The following XRN2 variants were observed in gnomAD, a reference collection of about 807,000 sequenced individuals.
XRN2 encodes 5'-3' exoribonuclease 2.
Under a neutral mutation model 138.5 loss-of-function variants are expected in XRN2, and 44 were observed. The ratio of observed to expected loss-of-function variants is 0.32; its 90% CI spans 0.25 to 0.41. XRN2 has a LOEUF of 0.41. Ranked by LOEUF, XRN2 falls within the 10% of genes least tolerant of loss-of-function variation. The pLI is 1.00. For missense variants in XRN2, 937 were observed against 1,169.3 expected, an observed-to-expected ratio of 0.80 and a Z score of 2.90; for synonymous variants, 354 against 369.4, an observed-to-expected ratio of 0.96 and a Z score of 0.48.
chr20:21,365,242 G>C (rs2038680469), intron 24 of XRN2, among the ~76,000 whole-genome samples, 179 bp from the exon 25 acceptor site: 2 of 152,124 alleles, frequency 1.3e-5, no homozygotes, highest in Non-Finnish European at 2.9e-5. Flanking sequence ...GTTACATGAA[G>C]GTTATATGTA....
chr20:21,333,550 G>C lies in XRN2; in HGVS notation c.865G>C (p.Glu289Gln). The C allele has an allele frequency of 6.2e-7, 1 of 1,612,662 alleles. No individual in the cohort carries two copies. Among genetic ancestry groups the C allele is most frequent in the Non-Finnish European group, 8.5e-7 (1 of 1,178,708 alleles). ...TTCATTCCTGTTCTTGCAGCATGAT[G>C]AACTTGCCGATAGTCTTCCTTGTGC... ...LPREKKGKHD[E>Q]LADSLPCAEG... is the part of the protein sequence containing the mutation. Residue 289 changes from glutamate (E) to glutamine (Q), a missense_variant, in exon 10 of 30, where the codon GAA becomes CAA. This residue lies in a region of XRN2 where 471 missense variants were observed against 581.2 expected (regional missense o/e 0.81). Coordinates refer to ENST00000377191, the MANE Select transcript of XRN2 (RefSeq NM_012255.5).
intron 28 of XRN2, among the ~76,000 whole-genome samples, chr20:21,386,177 G>A (rs2038934618): frequency 2.0e-5 from 3 of 152,182 alleles, no homozygotes; most frequent in Admixed American, 6.5e-5. Flanking sequence ...AGTAATCTGC[G>A]ACAGCAAACT....
intron 27 of XRN2, 152 bp from the exon 28 acceptor site, chr20:21,381,842 T>A: frequency 1.8e-6 from 1 of 549,564 alleles, no homozygotes; most frequent in Admixed American, 3.9e-5. Context: ...CTTACCTTTT[T>A]ACATTTGTGG....
chr20:21,361,502 C>T (rs1437899747), intron 24 of XRN2, among the ~76,000 whole-genome samples: 1 of 152,174 alleles, frequency 6.6e-6, no homozygotes, highest in Non-Finnish European at 1.5e-5. Context: ...AAACACAAGT[C>T]TCTTACCTCA....
Position 21,332,579 on chromosome 20 carries a change from A to C in XRN2, c.858+139A>C, listed in dbSNP as rs535407330. 660 of 855,596 alleles carry C rather than the reference A, an allele frequency of 7.7e-4. 4 individuals are homozygous for C. In the Middle Eastern group the frequency reaches 0.016, roughly 20 times the overall value. 53.0% of individuals were successfully genotyped at this position (855,596 alleles called of 1,614,324 possible). A position where few individuals can be genotyped will look rare whatever the true frequency, so the allele number is the denominator to read the frequency against. Reference sequence around the variant, plus strand: ...TAAATATTTGAGTTACCTTGTTTTTAAAATGGATGAAGAGAAGATTGTGGT... The same window carrying C: ...TAAATATTTGAGTTACCTTGTTTTTCAAATGGATGAAGAGAAGATTGTGGT... On this transcript the variant is annotated intron_variant, in intron 9 of 29. Transcript: ENST00000377191.
chr20:21,340,892 A>G (rs777277236), intron 15 of XRN2, 40 bp downstream of exon 15: 1 of 1,611,546 alleles, frequency 6.2e-7, no homozygotes, highest in South Asian at 1.1e-5. Flanking sequence ...AGAGTGGTGA[A>G]TATCACATAC....
At chr20:21,381,703 TAC>T (rs2038885000) in intron 27 of XRN2, among the ~76,000 whole-genome samples, 3 of 42,232 alleles carry the variant, frequency 7.1e-5, no homozygotes, top group African/African-American at 3.9e-4. Flanking sequence ...TATCTTTACT[TAC>T]ACACACATAC....
intron 8 of XRN2, 62 bp from the exon 9 acceptor site, chr20:21,332,221 T>A: frequency 1.3e-6 from 2 of 1,556,658 alleles, no homozygotes; most frequent in Non-Finnish European, 1.7e-6. Flanking sequence ...TCATAGTAGT[T>A]TATGGTAAGA....
At position 21,365,670 on chromosome 20, in the gene XRN2, G is replaced by C. The variant is rs745540540; in HGVS notation, c.2422G>C (p.Val808Leu). 6.3e-7 allele frequency: 1 copy of C among 1,575,150 alleles called. No homozygotes were observed. The highest frequency in any genetic ancestry group is 2.3e-5 in the East Asian group (1 of 44,190). Residue 808 changes from valine to leucine, a missense_variant, in exon 26 of 30, where the codon GTG becomes CTG. Val to Leu is a conservative substitution (Grantham distance 32). Around this residue, in one of 6 missense-constraint regions of XRN2, gnomAD observed 372 missense variants for 414.4 expected, o/e 0.90. Transcript: ENST00000377191. ...TGGCTTTAACCGTGACCGGAGGCCT[G>C]TGCACCTGGATCAGGCAGCCTTCAG... Reference protein sequence around the residue: ...QLGFNRDRRPVHLDQAAFRTL... With the variant: ...QLGFNRDRRPLHLDQAAFRTL...
chr20:21,389,252 C>CT, intron 29 of XRN2, 21 bp from the exon 30 acceptor site: 2 of 1,605,800 alleles, frequency 1.2e-6, no homozygotes, highest in Non-Finnish European at 1.7e-6. Context: ...AAAATAAACT[C>CT]TTTCTTTTGT....
intron 26 of XRN2, among the ~76,000 whole-genome samples, chr20:21,367,461 T>C (rs2038716792): frequency 6.6e-6 from 1 of 152,012 alleles, no homozygotes; most frequent in South Asian, 2.1e-4. Context: ...AGAGGGATAG[T>C]GTGGCAGAGT....
chr20:21,338,340 G>A (rs552637037), intron 13 of XRN2, among the ~76,000 whole-genome samples: 11 of 152,254 alleles, frequency 7.2e-5, no homozygotes, highest in African/African-American at 2.6e-4. Context: ...ATTCTGTCTA[G>A]TTGAAACCAT....
rs1315358208 is a variant in XRN2, at chr20:21,305,498, G to A, written c.75+2025G>A. On this transcript the variant is annotated intron_variant, in intron 1 of 29. Coordinates refer to ENST00000377191, the MANE Select transcript of XRN2 (RefSeq NM_012255.5). The stretch of plus-strand genomic sequence containing the variant: ...TCGAACTCCTGACCTCAGGTGATCC[G>A]CCTGCCTCAGCCTCCACAGTGCTGA... Among the ~76,000 whole-genome samples, 2 of 18,468 alleles carry A rather than the reference G, an allele frequency of 1.1e-4. 1 individual carries two copies. Among genetic ancestry groups the A allele is most frequent in the Non-Finnish European group, 3.3e-4 (2 of 6,090 alleles). The allele number at this position is 18,468 out of a possible 152,430, so 12.1% of individuals were successfully genotyped here.
In XRN2 at chr20:21,349,475, G is replaced by C. The variant is rs747324715; in HGVS notation, c.1936+14G>C. On this transcript the variant is annotated intron_variant, in intron 20 of 29. Transcript: ENST00000377191. ...ATGCATGGCAAGGTAAAATTTAGAC[G>C]TTCTTTTCTGGTAAAACTGTGAACA... The C allele has an allele frequency of 3.2e-6, 5 of 1,557,274 alleles. No individual in the cohort carries two copies. Among genetic ancestry groups the C allele is most frequent in the Non-Finnish European group, 4.4e-6 (5 of 1,130,882 alleles).
intron 17 of XRN2, among the ~76,000 whole-genome samples, chr20:21,347,838 A>C (rs776414847): frequency 4.6e-5 from 7 of 152,222 alleles, no homozygotes; most frequent in Non-Finnish European, 8.8e-5. Context: ...ATGTCACCAA[A>C]TGTATTTTAA....
intron 1 of XRN2, among the ~76,000 whole-genome samples, chr20:21,310,384 A>G (rs529905672): frequency 3.2e-4 from 48 of 152,194 alleles, no homozygotes; most frequent in African/African-American, 1.1e-3. Flanking sequence ...AAAAGGATAC[A>G]TTTTCTGCTG....
intron 13 of XRN2, among the ~76,000 whole-genome samples, chr20:21,337,697 A>G (rs1000299311): frequency 6.6e-6 from 1 of 152,204 alleles, no homozygotes; most frequent in South Asian, 2.1e-4. Flanking sequence ...TTTATATCCT[A>G]CTGCTAAAGG....
intron 1 of XRN2, among the ~76,000 whole-genome samples, chr20:21,310,401 A>C (rs1290976787): frequency 6.6e-6 from 1 of 152,170 alleles, no homozygotes; most frequent in Non-Finnish European, 1.5e-5. Context: ...GCTGCTGTGA[A>C]ATTTTGACTA....
chr20:21,322,465 A>G (rs935415956), intron 1 of XRN2, among the ~76,000 whole-genome samples: 3 of 152,122 alleles, frequency 2.0e-5, no homozygotes, highest in African/African-American at 7.2e-5. Context: ...ACTGAGTTGT[A>G]TGGTTTGGCA....
Sources: allele counts gnomAD v4.1 joint callset (sites outside exome capture counted in the v4.1 genomes callset), GRCh38; gene constraint gnomAD v4.1.1; regional missense constraint gnomAD v4.1.1; transcripts MANE v1.5; gene names NCBI Gene and HGNC (gene_info 2026-07-23, HGNC 2026-07-21).